The following TMEM229B variants were observed in gnomAD, a reference collection of about 807,000 sequenced individuals.
TMEM229B encodes the protein chromosome 14 open reading frame 83.
In TMEM229B, 6 loss-of-function variants were observed where a neutral mutation model predicts 13.7. The observed-to-expected ratio is 0.44, with a 90% CI of 0.24 to 0.86. The LOEUF (loss-of-function observed/expected upper bound fraction) is 0.86, where lower values mean the gene tolerates loss of function less well. Ranked by LOEUF, TMEM229B falls within the 40% of genes least tolerant of loss-of-function variation. The pLI is 0.23. For missense variants in TMEM229B, 170 were observed against 236.0 expected (o/e 0.72, Z 1.83); for synonymous variants, 107 against 102.1 (o/e 1.05, Z -0.29).
intron 1 of TMEM229B, among the ~76,000 whole-genome samples, chr14:67,506,605 G>A (rs2032835107): frequency 6.6e-6 from 1 of 152,156 alleles, no homozygotes; most frequent in Admixed American, 6.5e-5. Context: ...GGTTTGGTGG[G>A]TTCAGTGGGA....
At chr14:67,525,101 C>T (rs1326517091) in intron 1 of TMEM229B, among the ~76,000 whole-genome samples, 2 of 152,148 alleles carry the variant, frequency 1.3e-5, no homozygotes, top group Admixed American at 6.6e-5. Context: ...ATTCATACTC[C>T]TTGTAAAATG....
At chr14:67,524,461 A>G (rs556585604) in intron 1 of TMEM229B, among the ~76,000 whole-genome samples, 27 of 152,198 alleles carry the variant, frequency 1.8e-4, no homozygotes, top group African/African-American at 6.3e-4. Flanking sequence ...GAGGAGTGAG[A>G]AGGGGTAGAC....
At chr14:67,505,757 T>C (rs2032801890) in intron 1 of TMEM229B, among the ~76,000 whole-genome samples, 2 of 151,808 alleles carry the variant, frequency 1.3e-5, no homozygotes, top group African/African-American at 4.8e-5. Flanking sequence ...CCCAGGCTGG[T>C]ATGCAGTGGT....
At chr14:67,522,833 T>C (rs895625941) in intron 1 of TMEM229B, among the ~76,000 whole-genome samples, 9 of 152,168 alleles carry the variant, frequency 5.9e-5, no homozygotes, top group Admixed American at 1.3e-4. Context: ...CTTTTTACCC[T>C]CCTTGTCCTG....
intron 2 of TMEM229B, among the ~76,000 whole-genome samples, chr14:67,477,253 A>G (rs1477061349): frequency 2.6e-5 from 4 of 151,890 alleles, no homozygotes; most frequent in Non-Finnish European, 5.9e-5. Context: ...ATTCTTCATG[A>G]CCTTGCCCCG....
At chr14:67,475,603 G>T (rs1481180303) in intron 2 of TMEM229B, among the ~76,000 whole-genome samples, 2 of 152,148 alleles carry the variant, frequency 1.3e-5, no homozygotes, top group East Asian at 1.9e-4. Context: ...GGTGTGAGGT[G>T]GTTCTCTCAT....
chr14:67,518,868 G>T (rs1197426317), upstream of TMEM229B, among the ~76,000 whole-genome samples: 1 of 152,216 alleles, frequency 6.6e-6, no homozygotes, highest in South Asian at 2.1e-4. Context: ...ATCAGAAAGG[G>T]TCTAGGAGGG....
chr14:67,528,478 G>A (rs2033399939), intron 1 of TMEM229B, among the ~76,000 whole-genome samples: 1 of 152,206 alleles, frequency 6.6e-6, no homozygotes, highest in African/African-American at 2.4e-5. Flanking sequence ...CCCAATTGAT[G>A]TGAGCAGCCA....
chr14:67,523,093 G>A (rs1282218654), intron 1 of TMEM229B, among the ~76,000 whole-genome samples: 2 of 152,202 alleles, frequency 1.3e-5, no homozygotes, highest in Non-Finnish European at 2.9e-5. Context: ...GGGAGGCCAA[G>A]GCAGGTGGAT....
At chr14:67,484,825 C>T (rs1278637487) in intron 2 of TMEM229B, among the ~76,000 whole-genome samples, 1 of 152,170 alleles carries the variant, frequency 6.6e-6, no homozygotes, top group Non-Finnish European at 1.5e-5. Flanking sequence ...TTCTCCTTTG[C>T]AATATTTTCC....
chr14:67,499,062 G>A (rs2032505452), intron 1 of TMEM229B, among the ~76,000 whole-genome samples: 1 of 151,906 alleles, frequency 6.6e-6, no homozygotes, highest in African/African-American at 2.4e-5. Flanking sequence ...GAGTTCAGTG[G>A]TGTGATCATA....
intron 1 of TMEM229B, among the ~76,000 whole-genome samples, chr14:67,487,410 A>T (rs931105155): frequency 1.3e-5 from 2 of 152,182 alleles, no homozygotes; most frequent in Non-Finnish European, 2.9e-5. Context: ...GTTAGGACTT[A>T]GGGCTTCTTG....
intron 2 of TMEM229B, among the ~76,000 whole-genome samples, chr14:67,482,157 G>A (rs2031624051): frequency 6.6e-6 from 1 of 152,180 alleles, no homozygotes; most frequent in African/African-American, 2.4e-5. Context: ...AAGGGAACAG[G>A]TGATGGGGAA....
intron 1 of TMEM229B, among the ~76,000 whole-genome samples, chr14:67,531,931 A>T (rs1027099078): frequency 9.0e-5 from 13 of 144,156 alleles, no homozygotes; most frequent in Non-Finnish European, 1.2e-4. Context: ...AAAAAAAAAA[A>T]GTGAATGAAT....
At chr14:67,508,770 A>AC (rs78058668) in intron 1 of TMEM229B, among the ~76,000 whole-genome samples, 21 of 150,950 alleles carry the variant, frequency 1.4e-4, no homozygotes, top group African/African-American at 5.1e-4. Context: ...AAAAAAAAAA[A>AC]ACAGAAGACA....
chr14:67,516,774 C>T (rs7160654), upstream of TMEM229B, among the ~76,000 whole-genome samples: 63,695 of 151,790 alleles, frequency 0.42, 13,839 homozygotes, highest in East Asian at 0.49. Context: ...TATCGTGTTC[C>T]TGGGCTGGTC....
intron 1 of TMEM229B, among the ~76,000 whole-genome samples, chr14:67,506,233 A>G (rs2032821945): frequency 6.6e-6 from 1 of 151,836 alleles, no homozygotes; most frequent in South Asian, 2.1e-4. Context: ...AAGCGGGTGT[A>G]TTTTGTACCT....
At chr14:67,494,973 C>T (rs1429728597) in intron 1 of TMEM229B, among the ~76,000 whole-genome samples, 1 of 152,114 alleles carries the variant, frequency 6.6e-6, no homozygotes, top group Non-Finnish European at 1.5e-5. Context: ...TTAAATAAAG[C>T]AAATGGGGCA....
At chr14:67,515,362 G>T in exon 1 of TMEM229B, 1 of 168,836 alleles carries the variant, frequency 5.9e-6, no homozygotes, top group Non-Finnish European at 1.2e-5. Flanking sequence ...GGCGGCGCGG[G>T]GTCCGGGGGG....
Sources: allele counts gnomAD v4.1 joint callset (sites outside exome capture counted in the v4.1 genomes callset), GRCh38; gene constraint gnomAD v4.1.1; transcripts MANE v1.5; gene names NCBI Gene and HGNC (gene_info 2026-07-23, HGNC 2026-07-21).